FARS2: variants seen among roughly 807,000 people sequenced by gnomAD.
FARS2 encodes the protein phenylalanine--tRNA ligase, mitochondrial.
In FARS2, 40 loss-of-function variants were observed where a neutral mutation model predicts 46.4. The ratio of observed to expected loss-of-function variants is 0.86; its 90% CI spans 0.67 to 1.12. FARS2 has a LOEUF of 1.12. FARS2 is among the 50% of genes most tolerant of loss of function. The pLI, the probability that FARS2 is intolerant of heterozygous loss-of-function variation, is 0.00. For missense variants in FARS2, 513 were observed against 567.9 expected (o/e 0.90, Z 0.98); for synonymous variants, 234 against 214.9 (o/e 1.09, Z -0.78).
At chr6:5,468,161 G>A (rs1265996587) in intron 4 of FARS2, among the ~76,000 whole-genome samples, 2 of 152,080 alleles carry the variant, frequency 1.3e-5, no homozygotes, top group East Asian at 3.9e-4. Flanking sequence ...TCTTTTAAGA[G>A]CTTCAGTGTC....
At chr6:5,479,301 A>G (rs1348235692) in intron 4 of FARS2, among the ~76,000 whole-genome samples, 1 of 152,196 alleles carries the variant, frequency 6.6e-6, no homozygotes, top group Non-Finnish European at 1.5e-5. Context: ...GCATTGTTAG[A>G]TTCTACTCAT....
At chr6:5,722,347 A>T (rs1759966280) in intron 6 of FARS2, among the ~76,000 whole-genome samples, 1 of 152,254 alleles carries the variant, frequency 6.6e-6, no homozygotes, top group African/African-American at 2.4e-5. Context: ...CTCACTAGAT[A>T]TACAGTTTGA....
intron 3 of FARS2, among the ~76,000 whole-genome samples, chr6:5,411,751 G>A (rs1289243880): frequency 6.6e-6 from 1 of 152,058 alleles, no homozygotes; most frequent in Non-Finnish European, 1.5e-5. Flanking sequence ...AGCATCCTAA[G>A]GCTATTATAA....
At chr6:5,698,857 C>T (rs1758254684) in intron 6 of FARS2, among the ~76,000 whole-genome samples, 1 of 152,180 alleles carries the variant, frequency 6.6e-6, no homozygotes, top group African/African-American at 2.4e-5. Context: ...CTGCATCATT[C>T]TCACACACAG....
At position 5,369,136 on chromosome 6, in the gene FARS2, C is replaced by T. The variant is rs1404833400; in HGVS notation, c.566C>T (p.Pro189Leu). 1.2e-6 allele frequency: 2 copies of T among 1,612,096 alleles called. No homozygotes were observed. The highest frequency in any genetic ancestry group is 1.7e-6 in the Non-Finnish European group (2 of 1,180,010). ...GACCAGATCGACTCCCAGCACTACCCTATTTTCCACCAGCTGGAGGCCGTG... is the reference window on the plus strand; with the variant it reads ...GACCAGATCGACTCCCAGCACTACCTTATTTTCCACCAGCTGGAGGCCGTG... ...RRDQIDSQHY[P>L]IFHQLEAVRL... Residue 189 changes from proline (P) to leucine (L), a missense_variant, in exon 2 of 7, where the codon CCT becomes CTT. Coordinates refer to ENST00000274680, the MANE Select transcript of FARS2 (RefSeq NM_006567.5).
At chr6:5,536,786 A>T (rs1770231996) in intron 4 of FARS2, among the ~76,000 whole-genome samples, 1 of 152,206 alleles carries the variant, frequency 6.6e-6, no homozygotes, top group Non-Finnish European at 1.5e-5. Context: ...GTTTCTCAGG[A>T]GAGAATGAGA....
intron 4 of FARS2, chr6:5,466,934 C>G: frequency 2.0e-6 from 2 of 985,414 alleles, no homozygotes; most frequent in South Asian, 4.7e-5. Flanking sequence ...TGACTTCTCT[C>G]TTTACTAGCA....
chr6:5,749,900 A>AGCT (rs1761849085), intron 6 of FARS2, among the ~76,000 whole-genome samples: 2 of 152,196 alleles, frequency 1.3e-5, no homozygotes, highest in Admixed American at 1.3e-4. Flanking sequence ...AAGGTGCTCC[A>AGCT]GCTGGCCGAG....
intron 6 of FARS2, among the ~76,000 whole-genome samples, chr6:5,739,961 A>G (rs929507996): frequency 6.6e-6 from 1 of 152,198 alleles, no homozygotes; most frequent in Non-Finnish European, 1.5e-5. Flanking sequence ...TTGCTGACCC[A>G]ATTATACAGA....
intron 1 of FARS2, among the ~76,000 whole-genome samples, chr6:5,356,299 A>G (rs1215556446): frequency 6.6e-6 from 1 of 152,144 alleles, no homozygotes. Flanking sequence ...GGATGCAAAA[A>G]ATCAGCTGGG....
At position 5,349,041 on chromosome 6, in the gene FARS2, C is replaced by CA. The variant is rs535178603; in HGVS notation, c.-21-19506dup. 4.7e-4 allele frequency among the ~76,000 whole-genome samples: 72 copies of CA among 152,200 alleles called. No individual in the cohort carries two copies. The South Asian group carries it at 0.012, about 26-fold the overall frequency. On this transcript the variant is annotated intron_variant, in intron 1 of 6. Transcript: ENST00000274680. ...GAAGAAAGAAAACTATGTCTATTTG[C>CA]AAATGATATAATTGTCTACATAGAA...
intron 1 of FARS2, among the ~76,000 whole-genome samples, chr6:5,297,671 A>C (rs7771481): frequency 0.027 from 3,972 of 146,508 alleles, 114 homozygotes; most frequent in African/African-American, 0.076. Flanking sequence ...ATAAAAAAAA[A>C]CCCAAAAGAA....
intron 5 of FARS2, among the ~76,000 whole-genome samples, chr6:5,562,880 T>A (rs1772087610): frequency 6.6e-6 from 1 of 151,794 alleles, no homozygotes; most frequent in South Asian, 2.1e-4. Flanking sequence ...CTAGGCTCAG[T>A]GCAACCTCTA....
chr6:5,430,114 T>C (rs1763078091), intron 3 of FARS2, among the ~76,000 whole-genome samples: 1 of 152,136 alleles, frequency 6.6e-6, no homozygotes. Flanking sequence ...GGCATGTTCA[T>C]ATTACCATGG....
chr6:5,760,242 T>C (rs1271145931), intron 6 of FARS2, among the ~76,000 whole-genome samples: 2 of 152,196 alleles, frequency 1.3e-5, no homozygotes, highest in African/African-American at 4.8e-5. Flanking sequence ...CATAACACAG[T>C]CATAGGTAAT....
In FARS2 at chr6:5,717,351, ATGTGTGTGTG is replaced by A. The variant is rs58875741; in HGVS notation, c.1218-53910_1218-53901del. Among the ~76,000 whole-genome samples the A allele has an allele frequency of 6.4e-3, 910 of 141,728 alleles. 4 individuals carry two copies. The highest frequency in any genetic ancestry group is 0.022 in the African/African-American group (827 of 37,876). 93.0% of individuals were successfully genotyped at this position (141,728 alleles called of 152,430 possible). On this transcript the variant is annotated intron_variant, in intron 6 of 6. Coordinates refer to ENST00000274680, the MANE Select transcript of FARS2 (RefSeq NM_006567.5). ...CGTGGATAGAAACATAGATATGTAT[ATGTGTGTGTG>A]TGTGTGTGTGTGTGTGTGTGTGTGT...
chr6:5,540,112 C>T (rs781345160), intron 4 of FARS2, among the ~76,000 whole-genome samples: 2 of 152,210 alleles, frequency 1.3e-5, no homozygotes, highest in Admixed American at 1.3e-4. Flanking sequence ...ATGCGTGGGT[C>T]CGGCCTCTTC....
intron 6 of FARS2, among the ~76,000 whole-genome samples, chr6:5,693,915 C>G (rs1199506611): frequency 6.6e-6 from 1 of 152,220 alleles, no homozygotes; most frequent in African/African-American, 2.4e-5. Flanking sequence ...CTATCTTTGT[C>G]ACCTAGCCTC....
At chr6:5,669,761 C>T (rs1267612642) in intron 6 of FARS2, among the ~76,000 whole-genome samples, 6 of 152,114 alleles carry the variant, frequency 3.9e-5, no homozygotes, top group Non-Finnish European at 7.4e-5. Flanking sequence ...GGAGTGGCTG[C>T]CGGCACCACC....
Sources: gnomAD v4.1 joint callset for allele counts (sites outside exome capture counted in the v4.1 genomes callset) on GRCh38, gnomAD v4.1.1 for gene constraint, MANE v1.5 for transcripts, NCBI Gene and HGNC (gene_info 2026-07-23, HGNC 2026-07-21) for gene names.